Variants in MED24 observed in about 807,000 individuals in gnomAD.
MED24 encodes the protein mediator complex subunit 24.
Under a neutral mutation model 118.8 loss-of-function variants are expected in MED24, and 74 were observed. The ratio of observed to expected loss-of-function variants is 0.62; its 90% confidence interval spans 0.52 to 0.76. MED24 has a LOEUF of 0.76. Among genes scored for constraint, MED24 ranks in the 30% least tolerant of loss-of-function variants. The pLI is 0.00. For missense variants in MED24, 1,041 were observed against 1,278.9 expected, an observed-to-expected ratio of 0.81 and a Z score of 2.84; for synonymous variants, 521 against 523.9, an observed-to-expected ratio of 0.99 and a Z score of 0.08.
Position 40,019,656 on chromosome 17 carries a change from C to T in MED24, c.2854-11G>A. The T allele has an allele frequency of 1.9e-6, 3 of 1,585,484 alleles. No homozygotes were observed. Among genetic ancestry groups the T allele is most frequent in the South Asian group, 2.3e-5 (2 of 87,804 alleles). On this transcript the variant is annotated splice_polypyrimidine_tract_variant and intron_variant, in intron 25 of 25. Coordinates refer to ENST00000394128, the MANE Select transcript of MED24 (RefSeq NM_014815.4). Reference sequence around the variant, plus strand: ...CACCAGTTCCGACACCTGCCACGGACAGACAGATGCTGCTTGCGGGACGGC... The same window carrying T: ...CACCAGTTCCGACACCTGCCACGGATAGACAGATGCTGCTTGCGGGACGGC...
intron 14 of MED24, among the ~76,000 whole-genome samples, 174 bp downstream of exon 14, chr17:40,028,652 A>T (rs1983001395): frequency 6.6e-6 from 1 of 152,112 alleles, no homozygotes; most frequent in African/African-American, 2.4e-5. Flanking sequence ...AGAAAGGAAC[A>T]CTTAGGTCGT....
At chr17:40,020,632 CA>C (rs1202333110) in intron 23 of MED24, 1 of 470,060 alleles carries the variant, frequency 2.1e-6, no homozygotes, top group African/African-American at 2.0e-5. Context: ...ACAAAAAATA[CA>C]AAAATTAGCT....
chr17:40,037,734 A>AC (rs1263589033), intron 3 of MED24, among the ~76,000 whole-genome samples: 2 of 151,926 alleles, frequency 1.3e-5, no homozygotes, highest in African/African-American at 4.8e-5. Context: ...ACACGGTGAA[A>AC]CCCCGTCTCT....
intron 3 of MED24, among the ~76,000 whole-genome samples, chr17:40,045,357 G>C (rs376585075): frequency 4.6e-5 from 7 of 151,932 alleles, no homozygotes; most frequent in East Asian, 3.9e-4. Flanking sequence ...GCTGAGGCAG[G>C]AGAATCACTT....
At chr17:40,025,963 T>C (rs1982596151) in intron 19 of MED24, among the ~76,000 whole-genome samples, 193 bp downstream of exon 19, 1 of 152,144 alleles carries the variant, frequency 6.6e-6, no homozygotes, top group Non-Finnish European at 1.5e-5. Flanking sequence ...GGTGCTGGCA[T>C]ATAAACGCTT....
chr17:40,028,761 T>C, intron 14 of MED24, 65 bp downstream of exon 14: 3 of 1,590,650 alleles, frequency 1.9e-6, no homozygotes, highest in Non-Finnish European at 2.6e-6. Context: ...ACTCCTACCC[T>C]GCTACCTCCT....
intron 3 of MED24, among the ~76,000 whole-genome samples, chr17:40,043,765 C>T (rs1337825614): frequency 2.6e-5 from 4 of 151,718 alleles, no homozygotes; most frequent in Non-Finnish European, 4.4e-5. Context: ...GTGGCGGGCG[C>T]CTGTAATCCC....
chr17:40,034,857 C>CA, intron 6 of MED24: 1 of 228,706 alleles, frequency 4.4e-6, no homozygotes, highest in Non-Finnish European at 9.1e-6. Flanking sequence ...GGTAGCCCCC[C>CA]ACCCCCCACC....
Position 40,022,787 on chromosome 17 carries a change from C to T in MED24, c.2290G>A (p.Ala764Thr). The change falls in exon 21 of 26, where the codon GCA (alanine) becomes ACA (threonine). Residue 764 changes from alanine (A) to threonine (T), a missense_variant. Physicochemically the swap from Ala to Thr is moderately conservative, Grantham distance 58 (BLOSUM62 0). Coordinates refer to ENST00000394128, the MANE Select transcript of MED24 (RefSeq NM_014815.4). ...KETRKEHTLR[A>T]VELLYSIFCL... ...AAGATGGAGTAGAGCAGCTCCACTG[C>T]CCGCAGCGTGTGCTCCTTCCGCGTC... is the stretch of plus-strand genomic sequence containing the variant. 1 of 1,613,778 alleles carries T rather than the reference C, an allele frequency of 6.2e-7. No individual in the cohort carries two copies. The highest frequency in any genetic ancestry group is 1.3e-5 in the African/African-American group (1 of 75,002).
chr17:40,027,659 C>A (rs1568160359), intron 15 of MED24, 194 bp from the exon 16 acceptor site: 4 of 668,328 alleles, frequency 6.0e-6, no homozygotes, highest in Non-Finnish European at 2.6e-6. Context: ...ACCCCCAGCA[C>A]CCTCTCCTGG....
rs1982184771 is a variant in MED24, at chr17:40,022,761, G to A, written c.2316C>T (p.Phe772=). The change falls in exon 21 of 26, where the codon TTC becomes TTT. Residue 772 remains phenylalanine, a synonymous_variant. Transcript: ENST00000394128. ...LRAVELLYSI[F]CLDMQQVTLV... The stretch of plus-strand genomic sequence containing the variant: ...GGGTCACTTGCTGCATGTCCAGGCA[G>A]AAGATGGAGTAGAGCAGCTCCACTG... 1 of 1,613,814 alleles carries A rather than the reference G, an allele frequency of 6.2e-7. No individual in the cohort carries two copies. Among genetic ancestry groups the A allele is most frequent in the Admixed American group, 1.7e-5 (1 of 59,996 alleles).
chr17:40,022,408 G>T lies in MED24; in HGVS notation c.2509C>A (p.Arg837Ser). 1 of 1,609,842 alleles carries T rather than the reference G, an allele frequency of 6.2e-7. No homozygotes were observed. Among genetic ancestry groups the T allele is most frequent in the African/African-American group, 1.3e-5 (1 of 75,030 alleles). ...GGGGGGCCTACCTCAATGTCTTCGC[G>T]GTGTCTCTTCTTCTGGCGGGTGGAC... is the stretch of plus-strand genomic sequence containing the variant. Reference protein sequence around the residue: ...QASTRQKKRHREDIEDYISLF... With the variant: ...QASTRQKKRHSEDIEDYISLF... Residue 837 changes from arginine to serine, a missense_variant, in exon 22 of 26, where the codon CGC becomes AGC. Coordinates refer to ENST00000394128, the MANE Select transcript of MED24 (RefSeq NM_014815.4).
chr17:40,047,278 G>A (rs1985333594), intron 3 of MED24, among the ~76,000 whole-genome samples: 1 of 152,180 alleles, frequency 6.6e-6, no homozygotes. Context: ...GAGTGGACTA[G>A]AAAGCGGTAA....
In MED24 at chr17:40,030,450, C is replaced by T. The variant is rs144825151; in HGVS notation, c.1155-591G>A. ...AGCTGGAATTACAGGTGCATACCATCGCGCCTGATTAATTTTTGTATTTTT... is the reference window on the plus strand; with the variant it reads ...AGCTGGAATTACAGGTGCATACCATTGCGCCTGATTAATTTTTGTATTTTT... On this transcript the variant is annotated intron_variant, in intron 12 of 25. Coordinates refer to ENST00000394128, the MANE Select transcript of MED24 (RefSeq NM_014815.4). Among the ~76,000 whole-genome samples, 597 of 152,012 alleles carry T rather than the reference C, an allele frequency of 3.9e-3. 5 individuals carry two copies. Among genetic ancestry groups the T allele is most frequent in the African/African-American group, 0.013 (524 of 41,430 alleles).
At chr17:40,032,978 G>A (rs1983554219) in intron 8 of MED24, 78 bp downstream of exon 8, 1 of 1,575,816 alleles carries the variant, frequency 6.3e-7, no homozygotes, top group Non-Finnish European at 8.6e-7. Flanking sequence ...CTCCCAGGGA[G>A]AACCAGAAGA....
chr17:40,033,342 T>C lies in MED24; in HGVS notation c.671+3A>G, dbSNP rs1983602101. The C allele has an allele frequency of 6.2e-7, 1 of 1,612,910 alleles. No homozygotes were observed. Among genetic ancestry groups the C allele is most frequent in the Admixed American group, 1.7e-5 (1 of 59,898 alleles). On this transcript the variant is annotated splice_donor_region_variant and intron_variant, in intron 7 of 25. Coordinates refer to ENST00000394128, the MANE Select transcript of MED24 (RefSeq NM_014815.4). The surrounding 1 kb of genome is among the most constrained non-coding windows in gnomAD (Gnocchi z 5.2). ...TCTCCACCATCCCCCAGGGAGCCGG[T>C]ACCTCCTAATGAGGGTGCCACACTG...
At chr17:40,053,733 A>T (rs1343418434) in intron 1 of MED24, 98 bp from the exon 2 acceptor site, 2 of 1,477,758 alleles carry the variant, frequency 1.4e-6, no homozygotes, top group Admixed American at 3.6e-5. Context: ...ATGCGGGAAG[A>T]TTTAAGCGAG....
chr17:40,030,069 G>A (rs376512582), intron 12 of MED24, among the ~76,000 whole-genome samples: 9 of 152,184 alleles, frequency 5.9e-5, no homozygotes, highest in African/African-American at 1.4e-4. Flanking sequence ...GTCTCACTCT[G>A]TTGCCCAGGC....
chr17:40,026,687 T>C lies in MED24; in HGVS notation c.1769A>G (p.Asn590Ser). The change falls in exon 18 of 26, where the codon AAT becomes AGT. Residue 590 changes from asparagine (N) to serine (S), a missense_variant. Physicochemically the swap from Asn to Ser is conservative, Grantham distance 46 (BLOSUM62 1). Coordinates refer to ENST00000394128, the MANE Select transcript of MED24 (RefSeq NM_014815.4). ...SISAAILEIL[N>S]AWENGVLAFE... ...GGCCAGGACCCCATTCTCCCAGGCATTGAGGATTTCCAAGATGGCGGCTGA... is the reference window on the plus strand; with the variant it reads ...GGCCAGGACCCCATTCTCCCAGGCACTGAGGATTTCCAAGATGGCGGCTGA... 1 of 1,612,366 alleles carries C rather than the reference T, an allele frequency of 6.2e-7. No individual in the cohort carries two copies. The highest frequency in any genetic ancestry group is 8.5e-7 in the Non-Finnish European group (1 of 1,179,246).
Sources: gnomAD v4.1 joint callset for allele counts (sites outside exome capture counted in the v4.1 genomes callset) on GRCh38, gnomAD v4.1.1 for gene constraint, Gnocchi (gnomAD v3.1) non-coding constraint, MANE v1.5 for transcripts, NCBI Gene and HGNC (gene_info 2026-07-23, HGNC 2026-07-21) for gene names.